CDIN1: variants seen among roughly 807,000 people sequenced by gnomAD.
The protein encoded by CDIN1 is CDAN1-interacting nuclease 1.
In CDIN1, 33 loss-of-function variants were observed where a neutral mutation model predicts 45.3. That is an observed-to-expected ratio of 0.73 (90% CI 0.55 to 0.97). The LOEUF (loss-of-function observed/expected upper bound fraction) is 0.97, where lower values mean the gene tolerates loss of function less well. Among genes scored for constraint, CDIN1 ranks in the 50% least tolerant of loss-of-function variants. The pLI, the probability that CDIN1 is intolerant of heterozygous loss-of-function variation, is 0.00. For missense variants in CDIN1, 303 were observed against 339.4 expected (o/e 0.89, Z 0.84); for synonymous variants, 118 against 124.4 (o/e 0.95, Z 0.34).
chr15:36,789,648 C>A (rs1022072891), intron 10 of CDIN1, among the ~76,000 whole-genome samples: 5 of 152,146 alleles, frequency 3.3e-5, no homozygotes, highest in African/African-American at 1.2e-4. Context: ...AGGCTTAAGA[C>A]AAAGTCCAGA....
At chr15:36,746,375 G>C (rs2044431322) in intron 10 of CDIN1, among the ~76,000 whole-genome samples, 1 of 152,158 alleles carries the variant, frequency 6.6e-6, no homozygotes, top group Non-Finnish European at 1.5e-5. Flanking sequence ...TGGAAGTGGA[G>C]AAAATATATA....
intron 10 of CDIN1, among the ~76,000 whole-genome samples, chr15:36,726,520 T>C (rs375926276): frequency 1.3e-5 from 2 of 152,230 alleles, no homozygotes; most frequent in South Asian, 2.1e-4. Context: ...TTAATTGACA[T>C]TTATGTCTGA....
chr15:36,619,403 T>G (rs2039047302), intron 1 of CDIN1: 1 of 342,736 alleles, frequency 2.9e-6, no homozygotes, highest in African/African-American at 2.2e-5. Context: ...TCATTATGGA[T>G]TTTGGAGTTG....
rs118030118 is a variant in CDIN1 at position 36,663,489 on chromosome 15, C to T, written c.346+5584C>T. On this transcript the variant is annotated intron_variant, in intron 5 of 10. Coordinates refer to ENST00000566621, the MANE Select transcript of CDIN1 (RefSeq NM_001321759.2). ...TAGGAGGTAATTGAATCATGGGGGG[C>T]GGTTACCCCCATGCTTTTGTTCTTG... Among the ~76,000 whole-genome samples the T allele has an allele frequency of 5.8e-3, 877 of 152,190 alleles. 13 individuals carry two copies. Among genetic ancestry groups the T allele is most frequent in the Admixed American group, 0.039 (597 of 15,294 alleles).
chr15:36,721,253 T>G (rs1281632812), intron 10 of CDIN1, among the ~76,000 whole-genome samples: 11 of 152,228 alleles, frequency 7.2e-5, no homozygotes, highest in Admixed American at 7.2e-4. Flanking sequence ...TAGTTTGTTT[T>G]GCTGTGCAGA....
intron 1 of CDIN1, chr15:36,613,345 TA>T: frequency 1.4e-6 from 1 of 737,422 alleles, no homozygotes; most frequent in Non-Finnish European, 2.3e-6. Flanking sequence ...ATTGATGACG[TA>T]AAGTTAAAAA....
chr15:36,722,476 TG>T (rs1313866843), intron 10 of CDIN1, among the ~76,000 whole-genome samples: 1 of 152,182 alleles, frequency 6.6e-6, no homozygotes, highest in African/African-American at 2.4e-5. Flanking sequence ...AGCATACGGT[TG>T]TTAGAAAGCA....
intron 10 of CDIN1, among the ~76,000 whole-genome samples, chr15:36,801,374 T>A (rs1207980248): frequency 1.3e-5 from 2 of 152,120 alleles, no homozygotes; most frequent in Non-Finnish European, 2.9e-5. Context: ...GGTTTTCTCA[T>A]AGAGCTGAAA....
intron 10 of CDIN1, among the ~76,000 whole-genome samples, chr15:36,730,510 A>G (rs982431876): frequency 6.6e-6 from 1 of 152,110 alleles, no homozygotes; most frequent in African/African-American, 2.4e-5. Flanking sequence ...AGAGTGTTCA[A>G]TCTCTTTTTC....
At chr15:36,709,338 A>AT (rs1453829716) in intron 9 of CDIN1, 50 bp downstream of exon 9, 4 of 1,366,448 alleles carry the variant, frequency 2.9e-6, no homozygotes, top group Non-Finnish European at 4.0e-6. Flanking sequence ...AAAGGGATGT[A>AT]TTTTTTAATT....
chr15:36,710,017 A>G, intron 10 of CDIN1, 56 bp downstream of exon 10: 1 of 1,304,414 alleles, frequency 7.7e-7, no homozygotes, highest in Admixed American at 2.1e-5. Context: ...AAATCTCATT[A>G]GAAAAAAATA....
chr15:36,664,740 G>T (rs1239839060), intron 5 of CDIN1, among the ~76,000 whole-genome samples: 1 of 152,100 alleles, frequency 6.6e-6, no homozygotes, highest in African/African-American at 2.4e-5. Context: ...TAGAGACGGG[G>T]TTTCACCATG....
At chr15:36,703,061 A>G (rs1357805880) in intron 8 of CDIN1, among the ~76,000 whole-genome samples, 1 of 149,998 alleles carries the variant, frequency 6.7e-6, no homozygotes, top group Admixed American at 6.7e-5. Flanking sequence ...CTCTACAAAA[A>G]ATAAAAAACA....
intron 3 of CDIN1, among the ~76,000 whole-genome samples, chr15:36,646,210 AT>A (rs1261184683): frequency 6.6e-6 from 1 of 152,210 alleles, no homozygotes; most frequent in Non-Finnish European, 1.5e-5. Flanking sequence ...ATGCATAAAA[AT>A]TTTATGAATG....
chr15:36,662,848 A>G (rs2041070791), intron 5 of CDIN1, among the ~76,000 whole-genome samples: 1 of 89,098 alleles, frequency 1.1e-5, no homozygotes, highest in African/African-American at 4.2e-5. Flanking sequence ...AGTGTTTCAG[A>G]TTTTAGTTTT....
intron 10 of CDIN1, among the ~76,000 whole-genome samples, chr15:36,784,512 C>T (rs1004855525): frequency 6.6e-6 from 1 of 152,190 alleles, no homozygotes; most frequent in African/African-American, 2.4e-5. Flanking sequence ...AATCACTGGT[C>T]TTTTGCCCTT....
chr15:36,650,418 ATTT>A (rs1253975108), intron 3 of CDIN1, among the ~76,000 whole-genome samples: 1 of 75,140 alleles, frequency 1.3e-5, no homozygotes, highest in African/African-American at 5.6e-5. Flanking sequence ...TTATTTATTT[ATTT>A]ATTTATTTAT....
rs750159635 is a variant in CDIN1, at chr15:36,798,193, C to T, written c.717-10131C>T. On this transcript the variant is annotated intron_variant, in intron 10 of 10. Coordinates refer to ENST00000566621, the MANE Select transcript of CDIN1 (RefSeq NM_001321759.2). Reference sequence around the variant, plus strand: ...GTGCCACTGAAATACAAGCTGCCCTCATGAAGCTTACATTTTAAAAGAAGT... The same window carrying T: ...GTGCCACTGAAATACAAGCTGCCCTTATGAAGCTTACATTTTAAAAGAAGT... Among the ~76,000 whole-genome samples the T allele has an allele frequency of 3.9e-5, 6 of 152,160 alleles. No individual in the cohort carries two copies. In the South Asian group the frequency reaches 1.2e-3, roughly 31 times the overall value.
chr15:36,744,831 T>A (rs1237256454), intron 10 of CDIN1, among the ~76,000 whole-genome samples: 1 of 152,214 alleles, frequency 6.6e-6, no homozygotes, highest in Admixed American at 6.5e-5. Flanking sequence ...AGACATTGAA[T>A]GTTTTGGCTG....
Sources: gnomAD v4.1 joint callset for allele counts (sites outside exome capture counted in the v4.1 genomes callset) on GRCh38, gnomAD v4.1.1 for gene constraint, MANE v1.5 for transcripts, NCBI Gene and HGNC (gene_info 2026-07-23, HGNC 2026-07-21) for gene names.